The following PCDHA8 variants were observed in gnomAD, a reference collection of about 807,000 sequenced individuals.
PCDHA8 encodes the protein protocadherin alpha-8.
Under a neutral mutation model 61.8 loss-of-function variants are expected in PCDHA8, and 53 were observed. That is an observed-to-expected ratio of 0.86 (90% CI 0.69 to 1.08). The LOEUF (loss-of-function observed/expected upper bound fraction) is 1.08, where lower values mean the gene tolerates loss of function less well. Among genes scored for constraint, PCDHA8 ranks in the 50% least tolerant of loss-of-function variants. The pLI, the probability that PCDHA8 is intolerant of heterozygous loss-of-function variation, is 0.00. For synonymous variants in PCDHA8, 618 were observed against 556.6 expected, an observed-to-expected ratio of 1.11 and a Z score of -1.55; for missense variants, 1,293 against 1,245.0, an observed-to-expected ratio of 1.04 and a Z score of -0.58.
chr5:140,911,223 G>A (rs1305979222), intron 1 of PCDHA8, among the ~76,000 whole-genome samples: 1 of 152,148 alleles, frequency 6.6e-6, no homozygotes, highest in Non-Finnish European at 1.5e-5. Flanking sequence ...TGAGAAAGCT[G>A]TTTCTTCTGG....
At chr5:140,862,948 G>T (rs782222335) in intron 1 of PCDHA8, 1 of 543,712 alleles carries the variant, frequency 1.8e-6, no homozygotes, top group South Asian at 1.4e-5. Context: ...GTGAGCTGGT[G>T]CGGTATTCAG....
intron 1 of PCDHA8, chr5:140,969,147 A>C (rs781909774): frequency 1.2e-6 from 2 of 1,614,172 alleles, no homozygotes; most frequent in South Asian, 2.2e-5. Flanking sequence ...TACTGCTACA[A>C]GGCCTGTCTG....
At chr5:140,896,022 GC>G (rs2065315462) in intron 1 of PCDHA8, among the ~76,000 whole-genome samples, 3 of 152,138 alleles carry the variant, frequency 2.0e-5, no homozygotes, top group Admixed American at 1.3e-4. Context: ...TGTTGGCCAG[GC>G]TGGTCTCGAA....
chr5:140,865,207 G>T (rs2048773206), intron 1 of PCDHA8: 1 of 152,092 alleles, frequency 6.6e-6, no homozygotes. Context: ...AATGTGAATT[G>T]CTTTCTTTAA....
chr5:140,877,546 G>T, intron 1 of PCDHA8: 4 of 1,613,794 alleles, frequency 2.5e-6, no homozygotes, highest in Non-Finnish European at 3.4e-6. Flanking sequence ...TCCCGAAGCG[G>T]CTCTGGTGGA....
At chr5:140,849,121 A>T (rs2150430770) in intron 1 of PCDHA8, 1 of 1,407,396 alleles carries the variant, frequency 7.1e-7, no homozygotes. Flanking sequence ...CCGGAGCTTC[A>T]TTTATTGCTC....
At chr5:140,927,638 G>C (rs781909639) in intron 1 of PCDHA8, 1 of 1,614,024 alleles carries the variant, frequency 6.2e-7, no homozygotes, top group Admixed American at 1.7e-5. Flanking sequence ...GCACCCAATG[G>C]GACTGTGTTA....
At chr5:140,999,088 G>T (rs1429141341) in intron 3 of PCDHA8, among the ~76,000 whole-genome samples, 1 of 152,156 alleles carries the variant, frequency 6.6e-6, no homozygotes, top group Non-Finnish European at 1.5e-5. Context: ...TCCTTCAGAG[G>T]GCTATGGAGA....
At chr5:140,976,697 T>C (rs2096727777) in intron 1 of PCDHA8, among the ~76,000 whole-genome samples, 1 of 152,224 alleles carries the variant, frequency 6.6e-6, no homozygotes, top group Non-Finnish European at 1.5e-5. Context: ...AGTACAATAA[T>C]GTTGACTTTG....
chr5:140,883,126 G>A (rs781992873), intron 1 of PCDHA8: 2 of 1,614,036 alleles, frequency 1.2e-6, no homozygotes, highest in South Asian at 1.1e-5. Context: ...GGCCTGTATG[G>A]CCTGCAGTGG....
chr5:140,871,692 C>T, intron 1 of PCDHA8: 1 of 997,192 alleles, frequency 1.0e-6, no homozygotes, highest in Non-Finnish European at 1.4e-6. Flanking sequence ...AATCTGGCTT[C>T]TTTAACCAAT....
At chr5:140,979,086 G>A in intron 2 of PCDHA8, 79 bp downstream of exon 2, 3 of 1,561,050 alleles carry the variant, frequency 1.9e-6, no homozygotes, top group South Asian at 2.4e-5. Flanking sequence ...CCATAGGCCA[G>A]AAGCAGCTGT....
chr5:140,870,345 C>T (rs782253040), intron 1 of PCDHA8: 7 of 1,614,066 alleles, frequency 4.3e-6, no homozygotes, highest in South Asian at 2.2e-5. Flanking sequence ...CCCTGGACCG[C>T]GAGAACGTGT....
At chr5:140,870,659 T>C (rs2052268691) in intron 1 of PCDHA8, 2 of 1,612,520 alleles carry the variant, frequency 1.2e-6, no homozygotes, top group Non-Finnish European at 1.7e-6. Flanking sequence ...GTGTACGCGC[T>C]GCAGCCGTTG....
chr5:140,935,765 A>G (rs1554210670), intron 1 of PCDHA8, among the ~76,000 whole-genome samples: 1 of 152,080 alleles, frequency 6.6e-6, no homozygotes, highest in Non-Finnish European at 1.5e-5. Flanking sequence ...ATTCTTCCCC[A>G]CTTTGAGTTT....
intron 1 of PCDHA8, among the ~76,000 whole-genome samples, chr5:140,978,171 G>C (rs1386184793): frequency 6.6e-6 from 1 of 152,186 alleles, no homozygotes; most frequent in Non-Finnish European, 1.5e-5. Context: ...AGAGTTTGTA[G>C]AGAGAGGGCA....
rs1554204518 is a variant in PCDHA8 at position 140,927,427 on chromosome 5, G to A, written c.2395-51522G>A. Reference sequence around the variant, plus strand: ...CCTGGACATGGGATCGCGGGTTGACGGCAGCGAATACCCGGAGTTGGTGTT... The same window carrying A: ...CCTGGACATGGGATCGCGGGTTGACAGCAGCGAATACCCGGAGTTGGTGTT... On this transcript the variant is annotated intron_variant, in intron 1 of 3. Transcript: ENST00000531613. 1.2e-6 allele frequency: 2 copies of A among 1,614,114 alleles called. No homozygotes were observed. Among genetic ancestry groups the A allele is most frequent in the Non-Finnish European group, 1.7e-6 (2 of 1,179,974 alleles).
chr5:140,866,441 G>A (rs1313181432), intron 1 of PCDHA8: 1 of 151,728 alleles, frequency 6.6e-6, no homozygotes, highest in African/African-American at 2.4e-5. Flanking sequence ...GTCTTCTTCA[G>A]TCTTATTGTT....
chr5:140,955,440 G>A (rs1332391978), intron 1 of PCDHA8, among the ~76,000 whole-genome samples: 3 of 152,022 alleles, frequency 2.0e-5, no homozygotes, highest in Admixed American at 2.0e-4. Context: ...TAGGTCTGAT[G>A]GTTTTATAAG....
Sources: allele counts gnomAD v4.1 joint callset (sites outside exome capture counted in the v4.1 genomes callset), GRCh38; gene constraint gnomAD v4.1.1; transcripts MANE v1.5; gene names NCBI Gene and HGNC (gene_info 2026-07-23, HGNC 2026-07-21).